C2CD3: variants seen among roughly 807,000 people sequenced by gnomAD.
The protein encoded by C2CD3 is C2 domain containing 3 centriole elongation regulator.
In C2CD3, 148 loss-of-function variants were observed where a neutral mutation model predicts 234.0. The observed-to-expected ratio is 0.63, with a 90% CI of 0.55 to 0.72. C2CD3 has a LOEUF of 0.72. C2CD3 is among the 30% of genes least tolerant of loss of function. The pLI is 0.00. For missense variants in C2CD3, 2,577 were observed against 2,811.5 expected (o/e 0.92, Z 1.89); for synonymous variants, 1,000 against 1,035.4 (o/e 0.97, Z 0.66).
chr11:74,045,640 T>C (rs1237796476), intron 28 of C2CD3, among the ~76,000 whole-genome samples: 2 of 152,154 alleles, frequency 1.3e-5, no homozygotes, highest in Admixed American at 6.5e-5. Context: ...GGCATGAACA[T>C]GGCTCACTGT....
In C2CD3 at chr11:74,085,697, A is replaced by G; in HGVS notation, c.3831T>C (p.Ser1277=). Residue 1277 remains serine (S), a synonymous_variant, in exon 21 of 33, where the codon AGT becomes AGC. Transcript: ENST00000334126. ...FTCNLVTQHC[S]GEACFLAELL... ...ACTCTGCTAGGAAACAGGCCTCTCC[A>G]CTACAGTGCTGAGTCACCAAGTTAC... 2 of 1,614,152 alleles carry G rather than the reference A, an allele frequency of 1.2e-6. No individual in the cohort carries two copies. The highest frequency in any genetic ancestry group is 1.7e-6 in the Non-Finnish European group (2 of 1,180,024).
At chr11:74,060,389 A>G (rs984246045) in intron 24 of C2CD3, among the ~76,000 whole-genome samples, 2 of 152,190 alleles carry the variant, frequency 1.3e-5, no homozygotes, top group Admixed American at 6.5e-5. Flanking sequence ...ACTGACACCC[A>G]TACAGCTGGG....
Position 74,037,471 on chromosome 11 carries a change from G to A in C2CD3, c.5881+7C>T. 3 of 1,606,312 alleles carry A rather than the reference G, an allele frequency of 1.9e-6. No individual in the cohort carries two copies. The highest frequency in any genetic ancestry group is 2.2e-5 in the East Asian group (1 of 44,856). On this transcript the variant is annotated splice_region_variant and intron_variant, in intron 30 of 32. Transcript: ENST00000334126. ...AACATCTCAACAAGAAAGGATCTGA[G>A]TCATACCTGTGATTAAGGAGCTGAC...
intron 29 of C2CD3, among the ~76,000 whole-genome samples, chr11:74,039,510 C>A (rs1036181567): frequency 6.6e-6 from 1 of 152,172 alleles, no homozygotes. Context: ...TTATCCTAGA[C>A]CTACTGAATC....
At chr11:74,166,898 C>A (rs1226361086) in intron 2 of C2CD3, among the ~76,000 whole-genome samples, 1 of 152,134 alleles carries the variant, frequency 6.6e-6, no homozygotes, top group Non-Finnish European at 1.5e-5. Context: ...TTTTTCCCAA[C>A]TAACTAATAG....
intron 11 of C2CD3, 114 bp from the exon 12 acceptor site, chr11:74,109,266 A>G: frequency 1.6e-6 from 1 of 619,288 alleles, no homozygotes; most frequent in East Asian, 3.0e-5. Flanking sequence ...TCTCCTGCAG[A>G]AATCGAGTCA....
intron 17 of C2CD3, 90 bp from the exon 18 acceptor site, chr11:74,094,089 T>A: frequency 9.5e-7 from 1 of 1,056,298 alleles, no homozygotes. Context: ...TATTACTTAG[T>A]AATTCCCTAG....
chr11:74,089,719 G>A (rs960628970), intron 20 of C2CD3, among the ~76,000 whole-genome samples: 2 of 152,176 alleles, frequency 1.3e-5, no homozygotes, highest in African/African-American at 4.8e-5. Context: ...GGATGGAGAG[G>A]AGCTCAGGCA....
intron 11 of C2CD3, among the ~76,000 whole-genome samples, chr11:74,112,182 T>C (rs1322185481): frequency 6.6e-6 from 1 of 152,174 alleles, no homozygotes; most frequent in African/African-American, 2.4e-5. Flanking sequence ...TTTGACTATG[T>C]AGTAGGAGTG....
chr11:74,165,971 G>T (rs1429943386), intron 2 of C2CD3, among the ~76,000 whole-genome samples: 1 of 152,050 alleles, frequency 6.6e-6, no homozygotes, highest in Non-Finnish European at 1.5e-5. Context: ...GGGATTACAG[G>T]CGTGAGCCAC....
At position 74,148,051 on chromosome 11, in the gene C2CD3, T is replaced by C. The variant is rs559534636; in HGVS notation, c.484-8223A>G. ...TTACAAATGTCTTAAATTTTACAAA[T>C]TTTACAAATGTCTTAAATTTTACAA... On this transcript the variant is annotated intron_variant, in intron 3 of 32. Transcript: ENST00000334126. Among the ~76,000 whole-genome samples the C allele has an allele frequency of 2.5e-4, 38 of 152,308 alleles. No homozygotes were observed. The South Asian group carries it at 7.9e-3, about 32-fold the overall frequency.
chr11:74,060,763 C>T (rs989993735), intron 24 of C2CD3, among the ~76,000 whole-genome samples: 3 of 152,190 alleles, frequency 2.0e-5, no homozygotes, highest in South Asian at 2.1e-4. Context: ...CAAAGTTGGA[C>T]GGAGAATGAC....
intron 30 of C2CD3, among the ~76,000 whole-genome samples, chr11:74,035,566 G>C (rs1214338144): frequency 6.6e-6 from 1 of 152,062 alleles, no homozygotes; most frequent in African/African-American, 2.4e-5. Context: ...CTAGGGCCTA[G>C]CCTAGCATAT....
chr11:74,017,081 G>A (rs1384043142), intron 32 of C2CD3, among the ~76,000 whole-genome samples: 8 of 152,200 alleles, frequency 5.3e-5, no homozygotes, highest in Admixed American at 4.6e-4. Flanking sequence ...GGAAAGTGGT[G>A]GGGGTGGATA....
In C2CD3 at chr11:74,064,657, C is replaced by T. The variant is rs564346689; in HGVS notation, c.4952-7113G>A. 2.1e-3 allele frequency among the ~76,000 whole-genome samples: 325 copies of T among 152,326 alleles called. 1 individual carries two copies. Among genetic ancestry groups the T allele is most frequent in the Non-Finnish European group, 4.0e-3 (273 of 68,038 alleles). On this transcript the variant is annotated intron_variant, in intron 24 of 32. Coordinates refer to ENST00000334126, the MANE Select transcript of C2CD3 (RefSeq NM_001286577.2). ...GAACAAAGCTGGAGGCATCACACTA[C>T]CTGACTTCAAATTATACTACAAGGC...
Position 74,087,060 on chromosome 11 carries a change from A to G in C2CD3, c.3642-1174T>C. Among the ~76,000 whole-genome samples, 2 of 152,190 alleles carry G rather than the reference A, an allele frequency of 1.3e-5. 1 individual carries two copies. Among genetic ancestry groups the G allele is most frequent in the Non-Finnish European group, 2.9e-5 (2 of 68,040 alleles). ...ATAAGATAGTATATAAATACTAAAG[A>G]TGTATATTATATATTTGGATGCTTA... is the stretch of plus-strand genomic sequence containing the variant. On this transcript the variant is annotated intron_variant, in intron 20 of 32. Transcript: ENST00000334126.
In C2CD3 at chr11:74,164,254, A is replaced by C. The variant is rs892040908; in HGVS notation, c.326-2698T>G. The C allele has an allele frequency of 1.5e-5, 14 of 964,542 alleles. No homozygotes were observed. The South Asian group carries it at 6.3e-4, about 43-fold the overall frequency. 59.7% of individuals were successfully genotyped at this position (964,542 alleles called of 1,614,324 possible). A position where few individuals can be genotyped will look rare whatever the true frequency, so the allele number is the denominator to read the frequency against. ...CTACTAACTGAATCCTATCTGATCA[A>C]AGACAGGTAAAAATCACGTAGTGTA... On this transcript the variant is annotated intron_variant, in intron 2 of 32. Coordinates refer to ENST00000334126, the MANE Select transcript of C2CD3 (RefSeq NM_001286577.2).
intron 22 of C2CD3, among the ~76,000 whole-genome samples, chr11:74,081,641 T>C (rs1420087390): frequency 6.6e-6 from 1 of 152,206 alleles, no homozygotes; most frequent in Non-Finnish European, 1.5e-5. Context: ...ATCATCATCA[T>C]CATCACCACC....
At chr11:74,049,827 T>C (rs1442528985) in intron 26 of C2CD3, among the ~76,000 whole-genome samples, 2 of 152,146 alleles carry the variant, frequency 1.3e-5, no homozygotes, top group Non-Finnish European at 2.9e-5. Flanking sequence ...GATGTCTAGG[T>C]TGCAGTGCAG....
Sources: allele counts gnomAD v4.1 joint callset (sites outside exome capture counted in the v4.1 genomes callset), GRCh38; gene constraint gnomAD v4.1.1; transcripts MANE v1.5; gene names NCBI Gene and HGNC (gene_info 2026-07-23, HGNC 2026-07-21).